Variants in ENTHD1 observed in about 807,000 individuals in gnomAD.
The protein encoded by ENTHD1 is ENTH domain-containing protein 1.
In ENTHD1, 23 loss-of-function variants were observed where a neutral mutation model predicts 39.1. That is an observed-to-expected ratio of 0.59 (90% CI 0.42 to 0.83). ENTHD1 has a LOEUF of 0.83. ENTHD1 is among the 40% of genes least tolerant of loss of function. ENTHD1 has a pLI of 0.00. For missense variants in ENTHD1, 624 were observed against 705.4 expected, an observed-to-expected ratio of 0.88 and a Z score of 1.31; for synonymous variants, 230 against 258.2, an observed-to-expected ratio of 0.89 and a Z score of 1.05.
rs566343794 is a variant in ENTHD1 at position 39,842,525 on chromosome 22, G to A, written c.593-6567C>T. Reference sequence around the variant, plus strand: ...CTGATACCCTTTCTTCCAGTTGATCGCACCATTCAGGACATAGGCATGGGC... The same window carrying A: ...CTGATACCCTTTCTTCCAGTTGATCACACCATTCAGGACATAGGCATGGGC... On this transcript the variant is annotated intron_variant, in intron 3 of 6. Coordinates refer to ENST00000325157, the MANE Select transcript of ENTHD1 (RefSeq NM_152512.4). 3.3e-5 allele frequency among the ~76,000 whole-genome samples: 5 copies of A among 151,932 alleles called. No homozygotes were observed. The South Asian group carries it at 1.0e-3, about 32-fold the overall frequency.
intron 5 of ENTHD1, among the ~76,000 whole-genome samples, chr22:39,791,141 A>C (rs2065500204): frequency 6.7e-6 from 1 of 149,806 alleles, no homozygotes; most frequent in Admixed American, 6.7e-5. Flanking sequence ...ATACATATAG[A>C]TAGCCTGGTA....
chr22:39,767,358 G>T (rs1157954073), intron 5 of ENTHD1, among the ~76,000 whole-genome samples: 1 of 151,988 alleles, frequency 6.6e-6, no homozygotes, highest in Non-Finnish European at 1.5e-5. Context: ...TAAGCCAGGC[G>T]CAGTGCCTGT....
At chr22:39,768,792 C>T (rs909713153) in intron 5 of ENTHD1, among the ~76,000 whole-genome samples, 4 of 151,830 alleles carry the variant, frequency 2.6e-5, no homozygotes, top group South Asian at 4.2e-4. Context: ...TTGTATTTGA[C>T]GCCTAAAAAT....
chr22:39,885,820 A>C lies in ENTHD1; in HGVS notation c.349+1580T>G, dbSNP rs571789226. ...GGGCCTTGGTGGAACGGGAATGGGG[A>C]GCTATTGCTTAATGCTTACGGGGTT... On this transcript the variant is annotated intron_variant, in intron 2 of 6. Transcript: ENST00000325157. Among the ~76,000 whole-genome samples the C allele has an allele frequency of 4.6e-5, 7 of 152,298 alleles. 1 individual carries two copies. The South Asian group carries it at 1.5e-3, about 32-fold the overall frequency.
intron 3 of ENTHD1, among the ~76,000 whole-genome samples, chr22:39,853,455 A>C (rs950083661): frequency 2.0e-5 from 3 of 152,124 alleles, no homozygotes; most frequent in Non-Finnish European, 2.9e-5. Flanking sequence ...GAATCACTTG[A>C]ACCTGAGGGG....
intron 3 of ENTHD1, among the ~76,000 whole-genome samples, chr22:39,843,896 G>A (rs1453807218): frequency 6.6e-6 from 1 of 152,122 alleles, no homozygotes; most frequent in African/African-American, 2.4e-5. Context: ...CAACTCAAGA[G>A]TGCCTTGATC....
chr22:39,825,342 G>A (rs185377438), intron 4 of ENTHD1, among the ~76,000 whole-genome samples: 88 of 152,216 alleles, frequency 5.8e-4, no homozygotes, highest in Admixed American at 2.2e-3. Flanking sequence ...GGATTCAACT[G>A]GCTAATATTT....
rs116969228 is a variant in ENTHD1, at chr22:39,883,607, G to A, written c.349+3793C>T. 3.2e-3 allele frequency among the ~76,000 whole-genome samples: 492 copies of A among 151,870 alleles called. 1 individual carries two copies. The highest frequency in any genetic ancestry group is 5.2e-3 in the Non-Finnish European group (355 of 67,940). On this transcript the variant is annotated intron_variant, in intron 2 of 6. Coordinates refer to ENST00000325157, the MANE Select transcript of ENTHD1 (RefSeq NM_152512.4). The stretch of plus-strand genomic sequence containing the variant: ...GAATCTAGATTGGAGAGGAAGAAGT[G>A]AAACTATTTGTATATGACAGGATCT...
intron 2 of ENTHD1, among the ~76,000 whole-genome samples, chr22:39,879,826 T>G (rs2066323449): frequency 6.6e-6 from 1 of 152,210 alleles, no homozygotes; most frequent in South Asian, 2.1e-4. Context: ...CTTCATACAG[T>G]TGTTTATTTG....
chr22:39,794,103 T>C (rs2146605430), intron 5 of ENTHD1, among the ~76,000 whole-genome samples: 1 of 152,370 alleles, frequency 6.6e-6, no homozygotes. Context: ...GTTGGATGTC[T>C]TTCCATTTGT....
rs368465779 is a variant in ENTHD1 at position 39,777,558 on chromosome 22, T to C, written c.833-11949A>G. Among the ~76,000 whole-genome samples the C allele has an allele frequency of 3.0e-4, 45 of 152,254 alleles. 1 individual carries two copies. The South Asian group carries it at 3.1e-3, about 11-fold the overall frequency. On this transcript the variant is annotated intron_variant, in intron 5 of 6. Coordinates refer to ENST00000325157, the MANE Select transcript of ENTHD1 (RefSeq NM_152512.4). The stretch of plus-strand genomic sequence containing the variant: ...AGCACCATTTACTACCACTTCAATA[T>C]AAACTTGAAATAATGGCTTAATTTC...
chr22:39,803,352 C>G (rs921960787), intron 5 of ENTHD1, among the ~76,000 whole-genome samples: 2 of 152,030 alleles, frequency 1.3e-5, no homozygotes, highest in Non-Finnish European at 2.9e-5. Flanking sequence ...CTCATAACAT[C>G]TCTGCATAAA....
intron 5 of ENTHD1, among the ~76,000 whole-genome samples, chr22:39,793,164 T>C (rs1443380538): frequency 6.6e-6 from 1 of 152,160 alleles, no homozygotes; most frequent in African/African-American, 2.4e-5. Flanking sequence ...TAGTTTTTAT[T>C]TGCATTTCCC....
chr22:39,760,225 A>G (rs2065221573), intron 6 of ENTHD1, among the ~76,000 whole-genome samples: 1 of 152,096 alleles, frequency 6.6e-6, no homozygotes, highest in South Asian at 2.1e-4. Flanking sequence ...TGCTGAGAAT[A>G]ATAAAATCTC....
At chr22:39,859,864 T>G (rs996060001) in intron 3 of ENTHD1, among the ~76,000 whole-genome samples, 1 of 152,214 alleles carries the variant, frequency 6.6e-6, no homozygotes, top group African/African-American at 2.4e-5. Flanking sequence ...AACCTTCAAT[T>G]TGTAAAATAT....
Position 39,887,452 on chromosome 22 carries a change from G to A in ENTHD1, c.297C>T (p.Asn99=). The A allele has an allele frequency of 3.1e-6, 5 of 1,613,338 alleles. No individual in the cohort carries two copies. The highest frequency in any genetic ancestry group is 3.4e-6 in the Non-Finnish European group (4 of 1,179,814). The part of the protein sequence containing the change: ...VIQHCREGFC[N]LQTLKDFQHI... ...GCTGAAAATCTTTTAGTGTTTGAAGGTTACAGAACCCCTCTCTGCAATGCT... is the reference window on the plus strand; with the variant it reads ...GCTGAAAATCTTTTAGTGTTTGAAGATTACAGAACCCCTCTCTGCAATGCT... The change falls in exon 2 of 7, where the codon AAC becomes AAT. Residue 99 remains asparagine (N), a synonymous_variant. Transcript: ENST00000325157.
intron 4 of ENTHD1, among the ~76,000 whole-genome samples, chr22:39,821,361 C>T (rs1207844268): frequency 2.0e-5 from 3 of 152,186 alleles, no homozygotes; most frequent in African/African-American, 7.2e-5. Context: ...TAGGGCACTA[C>T]CTTTACCTAC....
chr22:39,819,399 A>G lies in ENTHD1; in HGVS notation c.832+1594T>C, dbSNP rs565715744. On this transcript the variant is annotated intron_variant, in intron 5 of 6. Coordinates refer to ENST00000325157, the MANE Select transcript of ENTHD1 (RefSeq NM_152512.4). Reference sequence around the variant, plus strand: ...ACAAAAACAAAAAAAGAAAAGAAACAAAGAAAAAAAAAAGACAGAAAAGAG... The same window carrying G: ...ACAAAAACAAAAAAAGAAAAGAAACGAAGAAAAAAAAAAGACAGAAAAGAG... 1.1e-4 allele frequency among the ~76,000 whole-genome samples: 16 copies of G among 151,698 alleles called. No individual in the cohort carries two copies. The East Asian group carries it at 3.1e-3, about 29-fold the overall frequency.
chr22:39,753,841 T>C (rs1171607098), intron 6 of ENTHD1, among the ~76,000 whole-genome samples: 1 of 152,194 alleles, frequency 6.6e-6, no homozygotes, highest in African/African-American at 2.4e-5. Flanking sequence ...ACTTTTCTTC[T>C]CGCTTACTTC....
Sources: gnomAD v4.1 joint callset for allele counts (sites outside exome capture counted in the v4.1 genomes callset) on GRCh38, gnomAD v4.1.1 for gene constraint, MANE v1.5 for transcripts, NCBI Gene and HGNC (gene_info 2026-07-23, HGNC 2026-07-21) for gene names.